The following ATXN3 variants were observed in gnomAD, a reference collection of about 807,000 sequenced individuals.
ATXN3 encodes the protein ataxin-3.
Under a neutral mutation model 58.2 loss-of-function variants are expected in ATXN3, and 28 were observed. That is an observed-to-expected ratio of 0.48 (90% CI 0.36 to 0.66). The LOEUF (loss-of-function observed/expected upper bound fraction) is 0.66. Among genes scored for constraint, ATXN3 ranks in the 30% least tolerant of loss-of-function variants. The pLI, the probability that ATXN3 is intolerant of heterozygous loss-of-function variation, is 0.00. For synonymous variants in ATXN3, 113 were observed against 138.5 expected (o/e 0.82, Z 1.29); for missense variants, 321 against 422.1 (o/e 0.76, Z 2.10).
chr14:92,054,565 T>C (rs575494915), downstream of ATXN3, among the ~76,000 whole-genome samples: 3 of 152,352 alleles, frequency 2.0e-5, no homozygotes, highest in South Asian at 4.1e-4. Context: ...TTGTTTAGCA[T>C]ATCATCAAGA....
At chr14:92,090,485 G>T (rs150736485) in intron 5 of ATXN3, 116 of 152,196 alleles carry the variant, frequency 7.6e-4, no homozygotes, top group African/African-American at 2.6e-3. Context: ...TAAAGTTAAC[G>T]ATCAATATCA....
chr14:92,104,049 T>G (rs1486150734), intron 1 of ATXN3, among the ~76,000 whole-genome samples: 1 of 152,252 alleles, frequency 6.6e-6, no homozygotes, highest in Non-Finnish European at 1.5e-5. Context: ...AATCTTCACA[T>G]GCTATGTAGA....
upstream of ATXN3, among the ~76,000 whole-genome samples, chr14:92,050,143 C>CTGTGTGTGT (rs113375315): frequency 2.7e-5 from 4 of 147,692 alleles, no homozygotes; most frequent in East Asian, 8.0e-4. Context: ...ACTTTGCTCT[C>CTGTGTGTGT]GTGTGTGTGT....
At chr14:92,100,777 T>G (rs2066594445) in intron 1 of ATXN3, among the ~76,000 whole-genome samples, 1 of 152,204 alleles carries the variant, frequency 6.6e-6, no homozygotes, top group Admixed American at 6.5e-5. Flanking sequence ...AGGATGCAGG[T>G]AAATCTTTTG....
intron 9 of ATXN3, among the ~76,000 whole-genome samples, chr14:92,078,354 T>A (rs1475918924): frequency 2.4e-5 from 3 of 127,506 alleles, no homozygotes; most frequent in African/African-American, 2.8e-5. Flanking sequence ...TAAGTTATTT[T>A]TTATTATTTA....
chr14:92,071,335 C>T, intron 9 of ATXN3: 3 of 533,288 alleles, frequency 5.6e-6, no homozygotes, highest in Non-Finnish European at 1.0e-5. Context: ...GTGGCTCACA[C>T]CTGTAATCCC....
rs967948292 is a variant in ATXN3 at position 92,092,310 on chromosome 14, T to C, written c.387+942A>G. On this transcript the variant is annotated intron_variant, in intron 5 of 10. Transcript: ENST00000644486. ...GCATGTATCACTAGTTTATTCTTTTTTACTGTCCTAGCTGGTTTTCAATAA... is the reference window on the plus strand; with the variant it reads ...GCATGTATCACTAGTTTATTCTTTTCTACTGTCCTAGCTGGTTTTCAATAA... 3.3e-5 allele frequency among the ~76,000 whole-genome samples: 5 copies of C among 152,230 alleles called. No individual in the cohort carries two copies. In the East Asian group the frequency reaches 7.7e-4, roughly 23 times the overall value.
Position 92,082,546 on chromosome 14 carries a change from G to C in ATXN3, c.609-80C>G, listed in dbSNP as rs55929165. ...ACATAAAGGCATTTGTAATGTAAAG[G>C]CTTTAAGTAAGTCAAAACTTAAAAT... On this transcript the variant is annotated intron_variant, in intron 7 of 10. Coordinates refer to ENST00000644486, the MANE Select transcript of ATXN3 (RefSeq NM_004993.6). The C allele has an allele frequency of 1.7e-4, 227 of 1,304,090 alleles. No individual in the cohort carries two copies. The East Asian group carries it at 5.3e-3, about 30-fold the overall frequency. The allele number at this position is 1,304,090 out of a possible 1,614,324, so 80.8% of individuals were successfully genotyped here.
chr14:92,081,136 C>T (rs2061385560), intron 8 of ATXN3, 75 bp from the exon 9 acceptor site: 7 of 1,035,034 alleles, frequency 6.8e-6, no homozygotes, highest in Non-Finnish European at 1.0e-5. Flanking sequence ...TTTGTTTATA[C>T]TCATTTGAGT....
chr14:92,096,653 T>C, intron 2 of ATXN3, 21 bp downstream of exon 2: 1 of 1,582,438 alleles, frequency 6.3e-7, no homozygotes, highest in Non-Finnish European at 8.6e-7. Flanking sequence ...AAATGTGACT[T>C]AGTGAGTTTA....
At chr14:92,075,789 C>A (rs1419132311) in intron 9 of ATXN3, among the ~76,000 whole-genome samples, 1 of 152,128 alleles carries the variant, frequency 6.6e-6, no homozygotes, top group Non-Finnish European at 1.5e-5. Flanking sequence ...CTTCTTAGCT[C>A]CTACTAATGA....
intron 5 of ATXN3, among the ~76,000 whole-genome samples, chr14:92,090,165 C>T (rs1292471415): frequency 1.3e-5 from 2 of 152,108 alleles, no homozygotes; most frequent in East Asian, 3.9e-4. Flanking sequence ...TGCAGTGGTG[C>T]AATCATAGCT....
At chr14:92,085,475 C>G (rs1356942921) in intron 6 of ATXN3, among the ~76,000 whole-genome samples, 3 of 151,872 alleles carry the variant, frequency 2.0e-5, no homozygotes, top group African/African-American at 7.3e-5. Context: ...AGGCATGAGC[C>G]ACCAAGCCCG....
chr14:92,097,805 A>G (rs1303040676), intron 1 of ATXN3, among the ~76,000 whole-genome samples: 2 of 152,132 alleles, frequency 1.3e-5, no homozygotes, highest in African/African-American at 2.4e-5. Flanking sequence ...GATTACAGGC[A>G]AGAGCCACCC....
chr14:92,088,228 C>A (rs555688232), intron 6 of ATXN3, among the ~76,000 whole-genome samples: 6 of 152,092 alleles, frequency 3.9e-5, no homozygotes, highest in African/African-American at 1.4e-4. Flanking sequence ...GCCACCACAC[C>A]CCGGCTAATT....
chr14:92,070,669 T>G (rs2059260432), intron 10 of ATXN3: 1 of 876,900 alleles, frequency 1.1e-6, no homozygotes, highest in African/African-American at 1.7e-5. Flanking sequence ...AAGTATTCAT[T>G]AAATGTTCTA....
chr14:92,103,724 C>T (rs1389207186), intron 1 of ATXN3, among the ~76,000 whole-genome samples: 1 of 152,228 alleles, frequency 6.6e-6, no homozygotes, highest in African/African-American at 2.4e-5. Flanking sequence ...TTTTTACATT[C>T]TAACTTAATA....
At chr14:92,064,991 G>A (rs886903430) in intron 10 of ATXN3, among the ~76,000 whole-genome samples, 1 of 152,196 alleles carries the variant, frequency 6.6e-6, no homozygotes, top group South Asian at 2.1e-4. Context: ...AACGTTATAT[G>A]TAGTTCTACA....
chr14:92,065,657 G>A (rs368741975), intron 10 of ATXN3, among the ~76,000 whole-genome samples: 12 of 152,218 alleles, frequency 7.9e-5, no homozygotes, highest in Admixed American at 5.9e-4. Context: ...CGAGGTGGGC[G>A]GATCACGAGG....
Sources: gnomAD v4.1 joint callset for allele counts (sites outside exome capture counted in the v4.1 genomes callset) on GRCh38, gnomAD v4.1.1 for gene constraint, MANE v1.5 for transcripts, NCBI Gene and HGNC (gene_info 2026-07-23, HGNC 2026-07-21) for gene names.